The following RAB37 variants were observed in gnomAD, a reference collection of about 807,000 sequenced individuals.
RAB37 encodes ras-related protein Rab-37.
RAB37 carries 29 observed loss-of-function variants against 33.1 expected under a neutral mutation model. The observed-to-expected ratio is 0.88, with a 90% confidence interval of 0.65 to 1.20. RAB37 has a LOEUF of 1.20. Among genes scored for constraint, RAB37 ranks in the 50% most tolerant of loss-of-function variants. RAB37 has a pLI of 0.00. For missense variants in RAB37, 299 were observed against 301.1 expected, an observed-to-expected ratio of 0.99 and a Z score of 0.05; for synonymous variants, 128 against 119.5, an observed-to-expected ratio of 1.07 and a Z score of -0.47.
intron 1 of RAB37, chr17:74,705,398 A>C: frequency 1.9e-6 from 1 of 529,652 alleles, no homozygotes; most frequent in African/African-American, 1.9e-5. Flanking sequence ...CATACAACAC[A>C]GATCCCACTT....
rs962356147 is a variant in RAB37, at chr17:74,730,031, G to C, written c.183+665G>C. Among the ~76,000 whole-genome samples the C allele has an allele frequency of 9.2e-5, 14 of 152,124 alleles. No individual in the cohort carries two copies. Among genetic ancestry groups the C allele is most frequent in the Non-Finnish European group, 1.9e-4 (13 of 68,020 alleles). On this transcript the variant is annotated intron_variant, in intron 2 of 7. Coordinates refer to the RAB37 transcript ENST00000340415. The surrounding 1 kb of genome is among the most constrained non-coding windows in gnomAD (Gnocchi z 4.4). ...AAGCCCAGTGCCCTCGGCTTTTTCT[G>C]CCCGCAGCCCCTCTGCGAGACAAGG...
upstream of RAB37, chr17:74,737,249 A>G (rs1201105062): frequency 1.3e-6 from 2 of 1,548,510 alleles, no homozygotes; most frequent in African/African-American, 1.4e-5. Flanking sequence ...GCGGGCCGGC[A>G]CTGCTCACCT....
intron 1 of RAB37, among the ~76,000 whole-genome samples, chr17:74,707,064 C>A (rs1307535284): frequency 6.6e-6 from 1 of 152,194 alleles, no homozygotes; most frequent in Non-Finnish European, 1.5e-5. Flanking sequence ...AGCTCCACAA[C>A]ATTGGTCTTG....
intron 1 of RAB37, among the ~76,000 whole-genome samples, chr17:74,720,352 A>G (rs1485547201): frequency 6.6e-6 from 1 of 152,096 alleles, no homozygotes; most frequent in Non-Finnish European, 1.5e-5. Flanking sequence ...TGGGAGGCCG[A>G]GGTGGGTGGA....
intron 1 of RAB37, chr17:74,672,607 A>G (rs1246056018): frequency 6.6e-6 from 1 of 152,240 alleles, no homozygotes; most frequent in Non-Finnish European, 1.5e-5. Context: ...CAGAGAGGAA[A>G]AATGACTTGT....
intron 1 of RAB37, among the ~76,000 whole-genome samples, chr17:74,701,891 C>T (rs1418569250): frequency 1.4e-5 from 2 of 147,032 alleles, no homozygotes; most frequent in Admixed American, 6.8e-5. Context: ...TGGTGGTGGG[C>T]GACTATAGTT....
chr17:74,697,995 A>G (rs571328656), intron 1 of RAB37, among the ~76,000 whole-genome samples: 2 of 152,110 alleles, frequency 1.3e-5, no homozygotes, highest in African/African-American at 4.8e-5. Flanking sequence ...ATGTCAGCTC[A>G]GTACCTCCTT....
intron 1 of RAB37, among the ~76,000 whole-genome samples, chr17:74,684,553 C>A (rs142773290): frequency 6.6e-6 from 1 of 152,030 alleles, no homozygotes; most frequent in Non-Finnish European, 1.5e-5. Flanking sequence ...TTTCGGAGGC[C>A]GAGGTAGCTG....
Position 74,745,330 on chromosome 17 carries a change from T to C in RAB37, c.591T>C (p.His197=). ...IAKELKYRAG[H]QADEPSFQIR... is the part of the protein sequence containing the mutation. ...GGGAACTGAAATACCGGGCCGGGCA[T>C]CAGGCGGATGAGCCCAGCTTCCAGA... Residue 197 remains histidine (H), a synonymous_variant, in exon 9 of 9, where the codon CAT becomes CAC. Transcript: ENST00000392613. The surrounding 1 kb of genome is among the most constrained non-coding windows in gnomAD (Gnocchi z 4.5). 6.2e-7 allele frequency: 1 copy of C among 1,613,484 alleles called. No homozygotes were observed. The highest frequency in any genetic ancestry group is 8.5e-7 in the Non-Finnish European group (1 of 1,179,658).
chr17:74,723,454 T>C (rs780140668), intron 1 of RAB37, among the ~76,000 whole-genome samples: 37 of 151,308 alleles, frequency 2.4e-4, no homozygotes, highest in Middle Eastern at 3.4e-3. Flanking sequence ...CCTGTCCCCA[T>C]TGGAAGTGAA....
intron 1 of RAB37, among the ~76,000 whole-genome samples, chr17:74,720,487 A>T (rs113120245): frequency 7.8e-4 from 119 of 151,954 alleles, no homozygotes; most frequent in Admixed American, 2.0e-3. Flanking sequence ...GCTACTTGGG[A>T]GGCTGAGGCA....
chr17:74,697,832 A>G (rs2032643727), intron 1 of RAB37, among the ~76,000 whole-genome samples: 2 of 152,180 alleles, frequency 1.3e-5, no homozygotes, highest in Non-Finnish European at 2.9e-5. Flanking sequence ...CAATTTCCTG[A>G]TCAGACTTGG....
chr17:74,714,132 AC>A, intron 1 of RAB37, among the ~76,000 whole-genome samples: 1 of 151,988 alleles, frequency 6.6e-6, no homozygotes, highest in East Asian at 1.9e-4. Flanking sequence ...AATCACTTGA[AC>A]CCAGGCGGCA....
In RAB37 at chr17:74,695,891, A is replaced by C. The variant is rs151168048; in HGVS notation, c.72+24233A>C. 13,319 of 1,603,262 alleles carry C rather than the reference A, an allele frequency of 8.3e-3. 74 individuals carry two copies. The highest frequency in any genetic ancestry group is 0.018 in the Middle Eastern group (105 of 5,988). ...CAGGGAACACAGGCTGGGGAGTCAC[A>C]AGATCTGTCTGTGGACACAGGTTCC... On this transcript the variant is annotated intron_variant, in intron 1 of 7. Transcript: ENST00000340415.
rs191424093 is a variant in RAB37, at chr17:74,744,673, A to C, written c.433-200A>C. On this transcript the variant is annotated intron_variant, in intron 6 of 8. Transcript: ENST00000392613. This position sits in a 1 kb window ranked among gnomAD's most constrained non-coding sequence, Gnocchi z 4.2. ...AAGGGTTAGCCCCAACTGCTGTCCT[A>C]TTCCAAGACCCTTTACCAAAGGTGA... 286 of 666,148 alleles carry C rather than the reference A, an allele frequency of 4.3e-4. 1 individual carries two copies. Among genetic ancestry groups the C allele is most frequent in the Non-Finnish European group, 2.5e-4 (95 of 381,784 alleles). The allele number at this position is 666,148 out of a possible 1,614,324, so 41.3% of individuals were successfully genotyped here. A position where few individuals can be genotyped will look rare whatever the true frequency, so the allele number is the denominator to read the frequency against.
chr17:74,696,573 T>C (rs560106360), intron 1 of RAB37, among the ~76,000 whole-genome samples: 86 of 152,358 alleles, frequency 5.6e-4, no homozygotes, highest in African/African-American at 2.0e-3. Flanking sequence ...CATGTCTCTC[T>C]ACCTGATTCA....
chr17:74,693,434 A>G (rs1307288032), intron 1 of RAB37, among the ~76,000 whole-genome samples: 1 of 152,174 alleles, frequency 6.6e-6, no homozygotes, highest in Non-Finnish European at 1.5e-5. Context: ...GCAGGGAGTA[A>G]TCAGGTCTGT....
chr17:74,703,768 G>A (rs747762625), intron 1 of RAB37, among the ~76,000 whole-genome samples: 10 of 152,140 alleles, frequency 6.6e-5, no homozygotes, highest in Non-Finnish European at 1.2e-4. Context: ...AAGGGCCCTC[G>A]AGCCATCCTG....
chr17:74,713,229 T>C (rs747192751), intron 1 of RAB37, among the ~76,000 whole-genome samples: 13 of 150,080 alleles, frequency 8.7e-5, no homozygotes, highest in Admixed American at 1.3e-4. Flanking sequence ...CGCTTGAACC[T>C]AGTAGGCGGA....
Sources: allele counts gnomAD v4.1 joint callset (sites outside exome capture counted in the v4.1 genomes callset), GRCh38; gene constraint gnomAD v4.1.1; non-coding constraint Gnocchi (gnomAD v3.1); transcripts MANE v1.5; gene names NCBI Gene and HGNC (gene_info 2026-07-23, HGNC 2026-07-21).